The following ERRFI1 variants were observed in gnomAD, a reference collection of about 807,000 sequenced individuals.
ERRFI1 encodes the protein mitogen-inducible gene 6 protein.
Under a neutral mutation model 14.6 loss-of-function variants are expected in ERRFI1, and 12 were observed. That is an observed-to-expected ratio of 0.82 (90% CI 0.53 to 1.33). The LOEUF (loss-of-function observed/expected upper bound fraction) is 1.33. ERRFI1 is among the 40% of genes most tolerant of loss of function. The pLI is 0.00. For synonymous variants in ERRFI1, 202 were observed against 209.9 expected (o/e 0.96, Z 0.32); for missense variants, 482 against 572.1 (o/e 0.84, Z 1.61).
rs559195839 is a variant in ERRFI1 at position 8,012,958 on chromosome 1, C to T, written c.*252G>A. ...ATGTAATGTATGCATATATAAAAAGCTTCCCCATCCTCCCCTCCCCACCAT... is the reference window on the plus strand; with the variant it reads ...ATGTAATGTATGCATATATAAAAAGTTTCCCCATCCTCCCCTCCCCACCAT... On this transcript the variant is annotated 3_prime_UTR_variant, in exon 4 of 4. Transcript: ENST00000377482. 161 of 486,484 alleles carry T rather than the reference C, an allele frequency of 3.3e-4. 2 individuals carry two copies. The highest frequency in any genetic ancestry group is 5.2e-4 in the Non-Finnish European group (144 of 276,336). 30.1% of individuals were successfully genotyped at this position (486,484 alleles called of 1,614,324 possible).
chr1:8,013,749 G>T lies in ERRFI1; in HGVS notation c.850C>A (p.Pro284Thr). 1 of 1,614,156 alleles carries T rather than the reference G, an allele frequency of 6.2e-7. No homozygotes were observed. Among genetic ancestry groups the T allele is most frequent in the Non-Finnish European group, 8.5e-7 (1 of 1,180,036 alleles). The change falls in exon 4 of 4, where the codon CCC becomes ACC. Residue 284 changes from proline (P) to threonine (T), a missense_variant. Physicochemically the swap from Pro to Thr is conservative, Grantham distance 38 (BLOSUM62 -1). Transcript: ENST00000377482. This position sits in a 1 kb window ranked among gnomAD's most constrained non-coding sequence, Gnocchi z 4.3. The stretch of plus-strand genomic sequence containing the variant: ...CTAGGAGGTATGGGAACTCTGGGGG[G>T]AACCTCAGGTTTGTCTTCATCGGAG... The part of the protein sequence containing the change: ...PNSDEDKPEV[P>T]PRVPIPPRPV...
intron 3 of ERRFI1, 47 bp from the exon 4 acceptor site, chr1:8,014,443 C>T (rs767711595): frequency 1.3e-6 from 2 of 1,497,550 alleles, no homozygotes; most frequent in Non-Finnish European, 1.8e-6. Flanking sequence ...ATCCTCTCTC[C>T]ACCTGTGTGA....
chr1:8,014,372 A>C lies in ERRFI1; in HGVS notation c.227T>G (p.Met76Arg). 6.3e-7 allele frequency: 1 copy of C among 1,591,402 alleles called. No individual in the cohort carries two copies. The highest frequency in any genetic ancestry group is 8.6e-7 in the Non-Finnish European group (1 of 1,168,136). ...ATTTTCTGCAAAGCAGTGGCCATTC[A>C]TCGGAGCAGATTTGGAAGCATGCCC... ...PLGHASKSAP[M>R]NGHCFAENGP... Residue 76 changes from methionine to arginine, a missense_variant, in exon 4 of 4, where the codon ATG (methionine) becomes AGG (arginine). Transcript: ENST00000377482.
At position 8,015,609 on chromosome 1, in the gene ERRFI1, G is replaced by A; in HGVS notation, c.11C>T (p.Ala4Val). 2 of 1,614,092 alleles carry A rather than the reference G, an allele frequency of 1.2e-6. No individual in the cohort carries two copies. Among genetic ancestry groups the A allele is most frequent in the South Asian group, 2.2e-5 (2 of 91,086 alleles). Residue 4 changes from alanine (A) to valine (V), a missense_variant, in exon 2 of 4, where the codon GCA becomes GTA. Physicochemically the swap from Ala to Val is moderately conservative, Grantham distance 64 (BLOSUM62 0). Coordinates refer to ENST00000377482, the MANE Select transcript of ERRFI1 (RefSeq NM_018948.4). ...TCTGATCTCCTGAGCAGCAACTCCT[G>A]CTATTGACATTGTGCCTTATTCTGG... MSIAGVAAQEIRVP... is the reference protein window; with the variant it reads MSIVGVAAQEIRVP...
chr1:8,015,623 G>A lies in ERRFI1; in HGVS notation c.-4C>T, dbSNP rs753050395. The A allele has an allele frequency of 6.2e-7, 1 of 1,614,018 alleles. No homozygotes were observed. Among genetic ancestry groups the A allele is most frequent in the East Asian group, 2.2e-5 (1 of 44,878 alleles). The stretch of plus-strand genomic sequence containing the variant: ...CAGCAACTCCTGCTATTGACATTGT[G>A]CCTTATTCTGGGACATCTCCAAACC... On this transcript the variant is annotated 5_prime_UTR_variant, in exon 2 of 4. Coordinates refer to ENST00000377482, the MANE Select transcript of ERRFI1 (RefSeq NM_018948.4).
At chr1:8,018,205 G>A (rs1186822141) in intron 1 of ERRFI1, among the ~76,000 whole-genome samples, 1 of 151,856 alleles carries the variant, frequency 6.6e-6, no homozygotes, top group Non-Finnish European at 1.5e-5. Context: ...CTCTTCTTTT[G>A]GAAAATAACT....
intron 1 of ERRFI1, among the ~76,000 whole-genome samples, chr1:8,020,767 A>C (rs1641264681): frequency 6.6e-6 from 1 of 151,882 alleles, no homozygotes; most frequent in Non-Finnish European, 1.5e-5. Context: ...CTGGTCTCAA[A>C]CTCCTGACCT....
chr1:8,012,432 G>A lies in ERRFI1; in HGVS notation c.*778C>T, dbSNP rs936608554. ...TCTAATACGGCCCGCACTACGATGA[G>A]CTACTTCAGTGGGTGGGACCAAGCA... On this transcript the variant is annotated 3_prime_UTR_variant, in exon 4 of 4. Transcript: ENST00000377482. 4.3e-6 allele frequency: 1 copy of A among 230,482 alleles called. No homozygotes were observed. Among genetic ancestry groups the A allele is most frequent in the Non-Finnish European group, 8.6e-6 (1 of 116,012 alleles). 14.3% of individuals were successfully genotyped at this position (230,482 alleles called of 1,614,324 possible). A position where few individuals can be genotyped will look rare whatever the true frequency, so the allele number is the denominator to read the frequency against.
intron 1 of ERRFI1, among the ~76,000 whole-genome samples, chr1:8,018,002 T>A (rs986127339): frequency 1.3e-5 from 2 of 152,136 alleles, no homozygotes; most frequent in African/African-American, 4.8e-5. Flanking sequence ...AAGAAAAAAA[T>A]TTTTTTAGTA....
In ERRFI1 at chr1:8,013,189, G is replaced by C. The variant is rs1641111302; in HGVS notation, c.*21C>G. On this transcript the variant is annotated 3_prime_UTR_variant, in exon 4 of 4. Coordinates refer to ENST00000377482, the MANE Select transcript of ERRFI1 (RefSeq NM_018948.4). This position sits in a 1 kb window ranked among gnomAD's most constrained non-coding sequence, Gnocchi z 4.3. ...AACCATTTGCTCCTATGTAACCTCT[G>C]CTGAACCATGACCCCAAGGTCTAAG... 1 of 1,572,630 alleles carries C rather than the reference G, an allele frequency of 6.4e-7. No individual in the cohort carries two copies. Among genetic ancestry groups the C allele is most frequent in the Non-Finnish European group, 8.6e-7 (1 of 1,160,012 alleles).
chr1:8,016,567 G>A (rs1641177015), intron 1 of ERRFI1, among the ~76,000 whole-genome samples: 1 of 152,158 alleles, frequency 6.6e-6, no homozygotes, highest in South Asian at 2.1e-4. Flanking sequence ...GATGTTACAG[G>A]TCTGGAGTCC....
rs1193918929 is a variant in ERRFI1, at chr1:8,013,251, G to A, written c.1348C>T (p.His450Tyr). ...TAGGATAAATGTTTACGCTTCACGT[G>A]GCCACCCAGATCCATTTTTGTTTTT... ...DSKTKMDLGG[H>Y]VKRKHLSYVV... Residue 450 changes from histidine (H) to tyrosine (Y), a missense_variant, in exon 4 of 4, where the codon CAC (histidine) becomes TAC (tyrosine). His to Tyr is a moderately conservative substitution (Grantham distance 83). Coordinates refer to ENST00000377482, the MANE Select transcript of ERRFI1 (RefSeq NM_018948.4). This position sits in a 1 kb window ranked among gnomAD's most constrained non-coding sequence, Gnocchi z 4.3. 3 of 1,613,874 alleles carry A rather than the reference G, an allele frequency of 1.9e-6. No individual in the cohort carries two copies. In the South Asian group the frequency reaches 3.3e-5, roughly 18 times the overall value.
intron 1 of ERRFI1, among the ~76,000 whole-genome samples, chr1:8,017,884 C>T (rs1023304896): frequency 1.1e-4 from 17 of 152,078 alleles, no homozygotes; most frequent in Non-Finnish European, 2.2e-4. Context: ...GCAGAAATTG[C>T]CTTGGAATTC....
At chr1:8,016,554 TCAGATGTTA>T (rs2124068282) in intron 1 of ERRFI1, among the ~76,000 whole-genome samples, 1 of 152,364 alleles carries the variant, frequency 6.6e-6, no homozygotes, top group East Asian at 1.9e-4. Flanking sequence ...ATCCCCTTTG[TCAGATGTTA>T]CAGGTCTGGA....
rs74761277 is a variant in ERRFI1, at chr1:8,012,880, T to C, written c.*330A>G. ...TATATTACTCTACGATAGTAACTAA[T>C]TGGTTAACCTGCAGCTATGGTCTAT... is the stretch of plus-strand genomic sequence containing the variant. On this transcript the variant is annotated 3_prime_UTR_variant, in exon 4 of 4. Coordinates refer to ENST00000377482, the MANE Select transcript of ERRFI1 (RefSeq NM_018948.4). 7.9e-3 allele frequency: 2,422 copies of C among 305,074 alleles called. 18 individuals carry two copies. Among genetic ancestry groups the C allele is most frequent in the Non-Finnish European group, 0.011 (1,840 of 163,680 alleles). The allele number at this position is 305,074 out of a possible 1,614,324, so 18.9% of individuals were successfully genotyped here.
At chr1:8,018,731 C>T (rs1434258279) in intron 1 of ERRFI1, among the ~76,000 whole-genome samples, 1 of 152,200 alleles carries the variant, frequency 6.6e-6, no homozygotes, top group African/African-American at 2.4e-5. Context: ...ATGTGAACCA[C>T]CTTTTCCTGT....
In ERRFI1 at chr1:8,013,904, A is replaced by T; in HGVS notation, c.695T>A (p.Val232Asp). ...LSYVSDQNGGVPDPNPPPPQT... is the reference protein window; with the variant it reads ...LSYVSDQNGGDPDPNPPPPQT... The stretch of plus-strand genomic sequence containing the variant: ...AGGTGGAGGAGGATTTGGATCTGGG[A>T]CACCTCCATTTTGGTCAGACACATA... Residue 232 changes from valine (V) to aspartate (D), a missense_variant, in exon 4 of 4, where the codon GTC (valine) becomes GAC (aspartate). Physicochemically the swap from Val to Asp is radical, Grantham distance 152 (BLOSUM62 -3). Transcript: ENST00000377482. The surrounding 1 kb of genome is among the most constrained non-coding windows in gnomAD (Gnocchi z 4.3). 1.2e-6 allele frequency: 2 copies of T among 1,614,044 alleles called. No homozygotes were observed. Among genetic ancestry groups the T allele is most frequent in the East Asian group, 4.5e-5 (2 of 44,878 alleles).
At chr1:8,016,932 A>C (rs774229937) in intron 1 of ERRFI1, among the ~76,000 whole-genome samples, 3 of 148,462 alleles carry the variant, frequency 2.0e-5, no homozygotes, top group Non-Finnish European at 4.5e-5. Context: ...TTTGCTCAGC[A>C]ACTTCAAATC....
At chr1:8,023,721 GA>G (rs1641303784) in intron 1 of ERRFI1, among the ~76,000 whole-genome samples, 2 of 152,258 alleles carry the variant, frequency 1.3e-5, no homozygotes, top group South Asian at 4.2e-4. Flanking sequence ...ACCACCTTCT[GA>G]AATCTGAACC....
Sources: allele counts gnomAD v4.1 joint callset (sites outside exome capture counted in the v4.1 genomes callset), GRCh38; gene constraint gnomAD v4.1.1; non-coding constraint Gnocchi (gnomAD v3.1); transcripts MANE v1.5; gene names NCBI Gene and HGNC (gene_info 2026-07-23, HGNC 2026-07-21).